SNTG2: variants seen among roughly 807,000 people sequenced by gnomAD.
SNTG2 encodes the protein gamma-2-syntrophin.
Under a neutral mutation model 70.9 loss-of-function variants are expected in SNTG2, and 74 were observed. The observed-to-expected ratio is 1.04, with a 90% confidence interval of 0.86 to 1.27. The LOEUF (loss-of-function observed/expected upper bound fraction) is 1.27, where lower values mean the gene tolerates loss of function less well. SNTG2 is among the 50% of genes most tolerant of loss of function. The probability of loss-of-function intolerance (pLI) is 0.00; values close to 1 mark genes in which losing one functional copy is unlikely to be tolerated. For missense variants in SNTG2, 717 were observed against 690.7 expected, an observed-to-expected ratio of 1.04 and a Z score of -0.43; for synonymous variants, 278 against 273.8, an observed-to-expected ratio of 1.02 and a Z score of -0.15.
intron 1 of SNTG2, among the ~76,000 whole-genome samples, chr2:1,007,854 A>G (rs1572215433): frequency 6.6e-6 from 1 of 152,058 alleles, no homozygotes; most frequent in Non-Finnish European, 1.5e-5. Context: ...GCTCACTGCA[A>G]CCTCCACCCC....
chr2:1,105,610 T>A (rs374163919), intron 4 of SNTG2, among the ~76,000 whole-genome samples: 1 of 152,184 alleles, frequency 6.6e-6, no homozygotes, highest in South Asian at 2.1e-4. Context: ...TACATAGATT[T>A]TATGAGGATT....
chr2:1,052,934 T>C (rs996610285), intron 1 of SNTG2, among the ~76,000 whole-genome samples: 2 of 152,246 alleles, frequency 1.3e-5, no homozygotes, highest in Admixed American at 1.3e-4. Flanking sequence ...CGTTCCAGTT[T>C]CCACTGCGAG....
intron 8 of SNTG2, among the ~76,000 whole-genome samples, chr2:1,206,225 G>A (rs935629940): frequency 6.6e-6 from 1 of 152,226 alleles, no homozygotes; most frequent in African/African-American, 2.4e-5. Context: ...CTCCCTCAGA[G>A]TGGGGTTTGC....
chr2:1,214,504 A>T (rs896898640), intron 9 of SNTG2, among the ~76,000 whole-genome samples: 3 of 152,068 alleles, frequency 2.0e-5, no homozygotes, highest in African/African-American at 7.2e-5. Flanking sequence ...TTTTTATACT[A>T]CTGTAAATGG....
intron 9 of SNTG2, among the ~76,000 whole-genome samples, chr2:1,213,580 G>A (rs1674186036): frequency 6.6e-6 from 1 of 152,216 alleles, no homozygotes; most frequent in Non-Finnish European, 1.5e-5. Flanking sequence ...TGGAAGCTCA[G>A]GGCTCAAGCT....
At chr2:968,877 G>A (rs1660650610) in intron 1 of SNTG2, among the ~76,000 whole-genome samples, 1 of 152,122 alleles carries the variant, frequency 6.6e-6, no homozygotes, top group East Asian at 1.9e-4. Flanking sequence ...AGTTTAATTA[G>A]GTCCTATTTG....
intron 16 of SNTG2, chr2:1,346,370 C>G (rs138991214): frequency 6.6e-6 from 1 of 152,382 alleles, no homozygotes; most frequent in Non-Finnish European, 1.5e-5. Context: ...AGAGGGCAGG[C>G]TCACCCTGAC....
chr2:1,165,854 C>T (rs752323858), intron 7 of SNTG2, among the ~76,000 whole-genome samples: 2 of 152,138 alleles, frequency 1.3e-5, no homozygotes, highest in African/African-American at 4.8e-5. Flanking sequence ...GTTATCAGAC[C>T]GTGCTTCTCG....
intron 14 of SNTG2, among the ~76,000 whole-genome samples, chr2:1,290,092 A>G (rs2148219982): frequency 6.6e-6 from 1 of 152,312 alleles, no homozygotes; most frequent in Middle Eastern, 3.4e-3. Flanking sequence ...TGCTATAAAA[A>G]TGGTGTATTA....
chr2:1,221,443 G>GCCTC (rs1674814709), intron 9 of SNTG2, among the ~76,000 whole-genome samples: 2 of 91,718 alleles, frequency 2.2e-5, no homozygotes, highest in African/African-American at 1.2e-4. Flanking sequence ...CTCTGTCTCT[G>GCCTC]TCTCTGTCTC....
intron 6 of SNTG2, among the ~76,000 whole-genome samples, chr2:1,140,458 G>A (rs1354802798): frequency 1.3e-5 from 2 of 152,150 alleles, no homozygotes; most frequent in Non-Finnish European, 2.9e-5. Context: ...ACATCCCTGC[G>A]CAGACACAGA....
rs949498144 is a variant in SNTG2, at chr2:1,267,584, C to T, written c.1284+13C>T. On this transcript the variant is annotated intron_variant, in intron 14 of 16. Transcript: ENST00000308624. ...TCAGAGAACCGGGGTAAGTGAACAA[C>T]TCACACTCTTCTCACCTACACCTGC... 5.6e-6 allele frequency: 9 copies of T among 1,610,828 alleles called. No homozygotes were observed. The highest frequency in any genetic ancestry group is 7.6e-6 in the Non-Finnish European group (9 of 1,178,808).
intron 7 of SNTG2, among the ~76,000 whole-genome samples, chr2:1,169,352 A>G (rs1404443588): frequency 6.6e-6 from 1 of 152,112 alleles, no homozygotes; most frequent in Non-Finnish European, 1.5e-5. Context: ...CTTCTCTCTC[A>G]GGCAAGGTGA....
chr2:1,163,224 C>T (rs190908209), intron 6 of SNTG2: 1 of 151,742 alleles, frequency 6.6e-6, no homozygotes, highest in African/African-American at 2.4e-5. Context: ...GTGAAGCATA[C>T]CAACAGGAAG....
chr2:1,054,533 T>A (rs1662270728), intron 1 of SNTG2, among the ~76,000 whole-genome samples: 1 of 152,208 alleles, frequency 6.6e-6, no homozygotes, highest in Admixed American at 6.5e-5. Context: ...AGGTTTAGGA[T>A]GCAGTCCTAC....
At chr2:1,297,642 G>A (rs11893677) in intron 14 of SNTG2, among the ~76,000 whole-genome samples, 1,770 of 152,302 alleles carry the variant, frequency 0.012, 35 homozygotes, top group African/African-American at 0.041. Flanking sequence ...TGGCGCATCC[G>A]CAGTTCCTTC....
chr2:1,315,270 T>C (rs1001895151), intron 15 of SNTG2, among the ~76,000 whole-genome samples: 3 of 152,160 alleles, frequency 2.0e-5, no homozygotes, highest in Admixed American at 1.3e-4. Flanking sequence ...AGCTCCTGGA[T>C]TTAATATAAA....
chr2:1,330,126 C>G (rs1659441554), intron 16 of SNTG2, among the ~76,000 whole-genome samples: 1 of 152,184 alleles, frequency 6.6e-6, no homozygotes, highest in Admixed American at 6.5e-5. Context: ...GAAGATGGGA[C>G]AAGGTCCCTG....
intron 1 of SNTG2, among the ~76,000 whole-genome samples, chr2:1,038,046 G>A (rs1361301813): frequency 1.3e-5 from 2 of 152,134 alleles, no homozygotes; most frequent in Non-Finnish European, 2.9e-5. Flanking sequence ...GTGGCATTTT[G>A]TATTCCTCCC....
Sources: gnomAD v4.1 joint callset for allele counts (sites outside exome capture counted in the v4.1 genomes callset) on GRCh38, gnomAD v4.1.1 for gene constraint, MANE v1.5 for transcripts, NCBI Gene and HGNC (gene_info 2026-07-23, HGNC 2026-07-21) for gene names.